AASDH: variants seen among roughly 807,000 people sequenced by gnomAD.
AASDH encodes beta-alanine-activating enzyme.
A neutral mutation model predicts 102.3 loss-of-function variants in AASDH; 81 were observed. The observed-to-expected ratio is 0.79, with a 90% CI of 0.66 to 0.95. AASDH has a LOEUF of 0.95. AASDH is among the 40% of genes least tolerant of loss of function. The probability of loss-of-function intolerance (pLI) is 0.00; values close to 1 mark genes in which losing one functional copy is unlikely to be tolerated. For missense variants in AASDH, 1,203 were observed against 1,266.2 expected (o/e 0.95, Z 0.76); for synonymous variants, 398 against 454.0 (o/e 0.88, Z 1.57).
rs1389417603 is a variant in AASDH, at chr4:56,353,549, A to T, written c.1431T>A (p.Tyr477Ter). The T allele has an allele frequency of 6.2e-7, 1 of 1,613,478 alleles. No individual in the cohort carries two copies. Among genetic ancestry groups the T allele is most frequent in the Admixed American group, 1.7e-5 (1 of 59,968 alleles). The change falls in exon 9 of 15, where the codon TAT becomes TAA. Residue 477 changes from tyrosine to a stop codon, truncating the protein, a stop_gained. Transcript: ENST00000205214. LOFTEE classifies it high-confidence loss of function. ...QQVESCAVTWYNQEKLILFMV... is the reference protein window; with the variant it reads ...QQVESCAVTW ...TGAAGAGAATTAATTTTTCCTGATTATACCATGTAACTGCACAAGACTCCA... is the reference window on the plus strand; with the variant it reads ...TGAAGAGAATTAATTTTTCCTGATTTTACCATGTAACTGCACAAGACTCCA...
intron 5 of AASDH, among the ~76,000 whole-genome samples, chr4:56,368,878 AAC>A (rs72382891): frequency 0.093 from 13,297 of 143,458 alleles, 774 homozygotes; most frequent in Non-Finnish European, 0.15. Flanking sequence ...TAAAAAAAAA[AAC>A]AAATGTAAAT....
At chr4:56,379,042 C>G (rs930734303) in intron 3 of AASDH, among the ~76,000 whole-genome samples, 1 of 151,986 alleles carries the variant, frequency 6.6e-6, no homozygotes, top group African/African-American at 2.4e-5. Flanking sequence ...TGCCACCACG[C>G]CCGGCTAATG....
intron 5 of AASDH, 59 bp from the exon 6 acceptor site, chr4:56,355,482 A>C (rs1488966920): frequency 1.4e-6 from 2 of 1,471,712 alleles, no homozygotes; most frequent in East Asian, 4.8e-5. Context: ...AAAGGTAAGC[A>C]CTGTAGTTAT....
chr4:56,385,530 T>C (rs1753448368), intron 1 of AASDH, among the ~76,000 whole-genome samples: 1 of 152,208 alleles, frequency 6.6e-6, no homozygotes, highest in African/African-American at 2.4e-5. Flanking sequence ...AAAGTTATTT[T>C]TTTCCCTCTC....
intron 5 of AASDH, chr4:56,356,649 G>A: frequency 1.5e-6 from 1 of 689,520 alleles, no homozygotes; most frequent in Non-Finnish European, 2.6e-6. Flanking sequence ...TGCCTGCCCT[G>A]TGTCATAAAA....
intron 5 of AASDH, chr4:56,356,358 G>T (rs1009590374): frequency 1.9e-6 from 3 of 1,584,704 alleles, no homozygotes; most frequent in South Asian, 2.2e-5. Flanking sequence ...GCGGCTGAAA[G>T]TGCCTCCTGC....
chr4:56,338,836 C>T (rs1332052307), intron 14 of AASDH, 45 bp from the exon 15 acceptor site: 16 of 1,540,440 alleles, frequency 1.0e-5, no homozygotes, highest in Non-Finnish European at 1.3e-5. Flanking sequence ...CATCTAATTG[C>T]TCCAATTCTC....
At chr4:56,379,058 G>A (rs1228246880) in intron 3 of AASDH, among the ~76,000 whole-genome samples, 1 of 151,600 alleles carries the variant, frequency 6.6e-6, no homozygotes, top group Non-Finnish European at 1.5e-5. Flanking sequence ...TAATGTTTTT[G>A]TATTTTTTTT....
At position 56,338,449 on chromosome 4, in the gene AASDH, C is replaced by T; in HGVS notation, c.3250G>A (p.Asp1084Asn). Residue 1084 changes from aspartate (D) to asparagine (N), a missense_variant, in exon 15 of 15, where the codon GAT becomes AAT. By Grantham distance (23) the Asp-to-Asn change is conservative. Transcript: ENST00000205214. ...AAATCCAGACAATAAACATAATTAT[C>T]TCTACACCCAATAATGAGCATTGAT... ...LESMLIIGCR[D>N]NYVYCLDLLG... 1 of 1,613,994 alleles carries T rather than the reference C, an allele frequency of 6.2e-7. No homozygotes were observed. The highest frequency in any genetic ancestry group is 8.5e-7 in the Non-Finnish European group (1 of 1,179,976).
chr4:56,374,779 A>C (rs946485162), intron 4 of AASDH, among the ~76,000 whole-genome samples: 2 of 152,290 alleles, frequency 1.3e-5, no homozygotes, highest in East Asian at 3.9e-4. Context: ...AGTCCCCTAG[A>C]TACTGCGTCA....
intron 5 of AASDH, among the ~76,000 whole-genome samples, chr4:56,367,978 G>A (rs1260981122): frequency 6.6e-6 from 1 of 152,034 alleles, no homozygotes; most frequent in Non-Finnish European, 1.5e-5. Flanking sequence ...ATCTGACAAA[G>A]GGCTAATATC....
chr4:56,371,740 G>C (rs1751738330), intron 4 of AASDH, 97 bp from the exon 5 acceptor site: 1 of 1,133,850 alleles, frequency 8.8e-7, no homozygotes, highest in Admixed American at 3.5e-5. Context: ...TCAAGTTTCT[G>C]AATGTTGGCC....
intron 5 of AASDH, chr4:56,356,244 AT>A: frequency 1.2e-6 from 1 of 821,258 alleles, no homozygotes. Context: ...AGGCCTAAGA[AT>A]TTTGGCACTG....
chr4:56,343,058 G>A (rs1747893177), intron 13 of AASDH, 92 bp from the exon 14 acceptor site: 2 of 1,251,796 alleles, frequency 1.6e-6, no homozygotes, highest in Middle Eastern at 2.2e-4. Flanking sequence ...CCTAGGGTTA[G>A]AACTAAAATA....
chr4:56,352,648 G>A (rs1455803452), intron 9 of AASDH, among the ~76,000 whole-genome samples: 1 of 152,144 alleles, frequency 6.6e-6, no homozygotes, highest in Non-Finnish European at 1.5e-5. Context: ...CACCTGCCTT[G>A]GCATCCCAAA....
Position 56,387,410 on chromosome 4 carries a change from A to C in AASDH, c.-91T>G, listed in dbSNP as rs1177917175. 2 of 152,254 alleles carry C rather than the reference A, an allele frequency of 1.3e-5. No homozygotes were observed. The highest frequency in any genetic ancestry group is 2.9e-5 in the Non-Finnish European group (2 of 68,088). The allele number at this position is 152,254 out of a possible 1,614,324, so 9.4% of individuals were successfully genotyped here. On this transcript the variant is annotated 5_prime_UTR_variant, in exon 1 of 15. Coordinates refer to ENST00000205214, the MANE Select transcript of AASDH (RefSeq NM_181806.4). ...TTGATCGCATTCGGCCCTTTCCCGG[A>C]TAGCTCGTCGCGGATACTTCTCACA...
At chr4:56,382,385 C>A in intron 3 of AASDH, 92 bp downstream of exon 3, 1 of 1,274,588 alleles carries the variant, frequency 7.8e-7, no homozygotes, top group South Asian at 1.4e-5. Context: ...CCACATTTAG[C>A]AGACTTAGGA....
intron 14 of AASDH, among the ~76,000 whole-genome samples, chr4:56,341,144 CCTA>C (rs754640530): frequency 6.6e-6 from 1 of 152,088 alleles, no homozygotes; most frequent in Non-Finnish European, 1.5e-5. Flanking sequence ...ATCCAACAGT[CCTA>C]CTACTATTTA....
At chr4:56,340,998 A>C (rs75596357) in intron 14 of AASDH, among the ~76,000 whole-genome samples, 4,575 of 152,316 alleles carry the variant, frequency 0.03, 105 homozygotes, top group Middle Eastern at 0.092. Flanking sequence ...AATGGCTATT[A>C]CTAAAAGAAC....
Sources: gnomAD v4.1 joint callset for allele counts (sites outside exome capture counted in the v4.1 genomes callset) on GRCh38, gnomAD v4.1.1 for gene constraint, MANE v1.5 for transcripts, NCBI Gene and HGNC (gene_info 2026-07-23, HGNC 2026-07-21) for gene names.